The following AMPH variants were observed in gnomAD, a reference collection of about 807,000 sequenced individuals.
AMPH encodes the protein amphiphysin (Stiff-Mann syndrome with breast cancer 128kD autoantigen).
A neutral mutation model predicts 99.1 loss-of-function variants in AMPH; 49 were observed. The ratio of observed to expected loss-of-function variants is 0.49; its 90% CI spans 0.39 to 0.63. The LOEUF is 0.63. Ranked by LOEUF, AMPH falls within the 20% of genes least tolerant of loss-of-function variation. The pLI is 0.00. For missense variants in AMPH, 759 were observed against 863.4 expected, an observed-to-expected ratio of 0.88 and a Z score of 1.52; for synonymous variants, 314 against 317.3, an observed-to-expected ratio of 0.99 and a Z score of 0.11.
intron 1 of AMPH, among the ~76,000 whole-genome samples, chr7:38,578,464 A>AATTTTAAATAAAAAAAT (rs1792327052): frequency 1.3e-5 from 2 of 152,206 alleles, no homozygotes; most frequent in Non-Finnish European, 2.9e-5. Context: ...ATATTGCATC[A>AATTTTAAATAAAAAAAT]TTTAAACTCA....
chr7:38,394,172 C>G lies in AMPH; in HGVS notation c.1441G>C (p.Val481Leu). The G allele has an allele frequency of 6.2e-7, 1 of 1,614,226 alleles. No individual in the cohort carries two copies. Among genetic ancestry groups the G allele is most frequent in the Non-Finnish European group, 8.5e-7 (1 of 1,180,042 alleles). Residue 481 changes from valine to leucine, a missense_variant, in exon 18 of 21, where the codon GTG becomes CTG. This residue lies in a region of AMPH where 554 missense variants were observed against 575.6 expected (regional missense o/e 0.96). Transcript: ENST00000356264. ...CCTGGGGCCCCCTCAGCTGCTGACA[C>G]CAAGGTTCCAACAGCTGCATCAGCA... ...ADADAAVGTL[V>L]SAAEGAPGEE... is the part of the protein sequence containing the mutation.
In AMPH at chr7:38,568,336, G is replaced by A. The variant is rs180915177; in HGVS notation, c.70-33325C>T. On this transcript the variant is annotated intron_variant, in intron 1 of 20. Coordinates refer to ENST00000356264, the MANE Select transcript of AMPH (RefSeq NM_001635.4). The stretch of plus-strand genomic sequence containing the variant: ...AAAAATTAGCTGGGCATGGTGGTGG[G>A]TGCCTGTAGTCCCAGCTACTCAGGA... Among the ~76,000 whole-genome samples, 3 of 152,276 alleles carry A rather than the reference G, an allele frequency of 2.0e-5. No homozygotes were observed. The East Asian group carries it at 5.8e-4, about 29-fold the overall frequency.
chr7:38,571,344 T>TATATATATTTACATATAGA (rs1792010724), intron 1 of AMPH, among the ~76,000 whole-genome samples: 2 of 41,650 alleles, frequency 4.8e-5, no homozygotes, highest in Non-Finnish European at 9.1e-5. Context: ...ATATATAGAA[T>TATATATATTTACATATAGA]ATATATATTT....
At chr7:38,461,236 C>A in intron 11 of AMPH, 47 bp downstream of exon 11, 1 of 1,608,520 alleles carries the variant, frequency 6.2e-7, no homozygotes, top group Non-Finnish European at 8.5e-7. Flanking sequence ...AGAGTCCTTC[C>A]ACCATGGGAC....
chr7:38,486,354 T>C (rs1788493492), intron 5 of AMPH, among the ~76,000 whole-genome samples: 1 of 151,842 alleles, frequency 6.6e-6, no homozygotes, highest in African/African-American at 2.4e-5. Flanking sequence ...GATAAATTAC[T>C]AGATACATAC....
chr7:38,501,108 G>C (rs547106437), intron 3 of AMPH, among the ~76,000 whole-genome samples: 1 of 152,166 alleles, frequency 6.6e-6, no homozygotes, highest in African/African-American at 2.4e-5. Context: ...GAGAAACACA[G>C]AACGAAATAT....
chr7:38,499,576 C>A (rs1789057421), intron 3 of AMPH, among the ~76,000 whole-genome samples: 3 of 152,154 alleles, frequency 2.0e-5, no homozygotes, highest in Admixed American at 2.0e-4. Flanking sequence ...CCCTCCAGGG[C>A]CAAATATCAC....
chr7:38,501,727 T>C (rs1220798138), intron 3 of AMPH, among the ~76,000 whole-genome samples: 1 of 151,794 alleles, frequency 6.6e-6, no homozygotes, highest in Admixed American at 6.6e-5. Flanking sequence ...ACTGTGAGAA[T>C]AAATTCTTAG....
intron 15 of AMPH, among the ~76,000 whole-genome samples, chr7:38,426,429 ATC>A (rs761858168): frequency 6.6e-6 from 1 of 152,210 alleles, no homozygotes; most frequent in Non-Finnish European, 1.5e-5. Context: ...ATGGTTTCTG[ATC>A]TTCCAACAGC....
At chr7:38,601,724 C>T (rs1011213924) in intron 1 of AMPH, among the ~76,000 whole-genome samples, 8 of 152,190 alleles carry the variant, frequency 5.3e-5, no homozygotes, top group Non-Finnish European at 7.3e-5. Context: ...GAAATCCCAG[C>T]TCCACTGTGT....
At chr7:38,593,969 G>A (rs936755147) in intron 1 of AMPH, among the ~76,000 whole-genome samples, 4 of 152,280 alleles carry the variant, frequency 2.6e-5, no homozygotes, top group African/African-American at 4.8e-5. Flanking sequence ...TGGCGAGAGC[G>A]GTGGGTTTAC....
intron 18 of AMPH, among the ~76,000 whole-genome samples, chr7:38,393,643 TGAG>T (rs144029084): frequency 0.035 from 4,384 of 125,186 alleles, 83 homozygotes; most frequent in Middle Eastern, 0.1. Context: ...TAAATACTAT[TGAG>T]TTCTCCCTGG....
At chr7:38,480,906 T>C (rs1788261051) in intron 5 of AMPH, among the ~76,000 whole-genome samples, 2 of 152,196 alleles carry the variant, frequency 1.3e-5, no homozygotes, top group South Asian at 4.1e-4. Flanking sequence ...GTAGCAAATC[T>C]TGATTCTCTG....
intron 7 of AMPH, among the ~76,000 whole-genome samples, chr7:38,469,757 T>C (rs548144208): frequency 6.6e-6 from 1 of 152,240 alleles, no homozygotes; most frequent in South Asian, 2.1e-4. Flanking sequence ...ACTAACACAG[T>C]AGATCTCAAC....
intron 1 of AMPH, among the ~76,000 whole-genome samples, chr7:38,614,142 A>T (rs1301957974): frequency 1.3e-5 from 2 of 152,228 alleles, no homozygotes; most frequent in African/African-American, 4.8e-5. Context: ...GCTTAGCCAC[A>T]TGACACATCT....
chr7:38,584,472 T>C (rs1427642999), intron 1 of AMPH, among the ~76,000 whole-genome samples: 2 of 152,192 alleles, frequency 1.3e-5, no homozygotes, highest in Non-Finnish European at 2.9e-5. Flanking sequence ...GCAGTGAGGT[T>C]AGTCATTTAC....
At chr7:38,430,055 A>G (rs1456482006) in intron 13 of AMPH, 190 bp from the exon 14 acceptor site, 1 of 541,738 alleles carries the variant, frequency 1.8e-6, no homozygotes, top group Non-Finnish European at 3.2e-6. Flanking sequence ...CACCATAGAA[A>G]AGGCACAAAT....
chr7:38,563,036 T>C (rs1357161280), intron 1 of AMPH, among the ~76,000 whole-genome samples: 2 of 152,212 alleles, frequency 1.3e-5, no homozygotes, highest in Non-Finnish European at 2.9e-5. Flanking sequence ...TGTTATGTTT[T>C]CCTATTTGAA....
chr7:38,581,800 CA>C (rs1455471875), intron 1 of AMPH, among the ~76,000 whole-genome samples: 2 of 152,062 alleles, frequency 1.3e-5, no homozygotes, highest in Admixed American at 1.3e-4. Flanking sequence ...AGATGAGAAG[CA>C]TGAAAGAAGG....
Sources: gnomAD v4.1 joint callset for allele counts (sites outside exome capture counted in the v4.1 genomes callset) on GRCh38, gnomAD v4.1.1 for gene constraint, gnomAD v4.1.1 regional missense constraint, MANE v1.5 for transcripts, NCBI Gene and HGNC (gene_info 2026-07-23, HGNC 2026-07-21) for gene names.